Variants in KCNH1 observed in about 807,000 individuals in gnomAD.
The protein encoded by KCNH1 is voltage-gated delayed rectifier potassium channel KCNH1.
KCNH1 carries 27 observed loss-of-function variants against 69.2 expected under a neutral mutation model. The observed-to-expected ratio is 0.39, with a 90% CI of 0.29 to 0.54. The LOEUF (loss-of-function observed/expected upper bound fraction) is 0.54. Among genes scored for constraint, KCNH1 ranks in the 20% least tolerant of loss-of-function variants. KCNH1 has a pLI of 0.68. For synonymous variants in KCNH1, 456 were observed against 487.7 expected (o/e 0.93, Z 0.86); for missense variants, 798 against 1,261.6 (o/e 0.63, Z 5.57).
At chr1:210,978,199 T>C (rs1403770353) in intron 6 of KCNH1, among the ~76,000 whole-genome samples, 2 of 151,884 alleles carry the variant, frequency 1.3e-5, no homozygotes, top group Non-Finnish European at 2.9e-5. Flanking sequence ...CCACCACACC[T>C]GGCTAATTTT....
chr1:210,880,807 G>C (rs1262240583), intron 7 of KCNH1, among the ~76,000 whole-genome samples: 1 of 151,824 alleles, frequency 6.6e-6, no homozygotes, highest in African/African-American at 2.4e-5. Flanking sequence ...CAAAATGGGG[G>C]AAAAAATTCC....
intron 6 of KCNH1, among the ~76,000 whole-genome samples, chr1:210,950,879 C>A (rs1036023729): frequency 6.6e-6 from 1 of 152,162 alleles, no homozygotes; most frequent in Admixed American, 6.5e-5. Context: ...AAGTGCCAGG[C>A]CCAGCCCTGG....
chr1:210,871,798 AAG>A (rs1686254595), intron 7 of KCNH1, among the ~76,000 whole-genome samples: 3 of 150,014 alleles, frequency 2.0e-5, no homozygotes, highest in Non-Finnish European at 3.0e-5. Context: ...AAACTATCGC[AAG>A]AACAAAAAAC....
intron 5 of KCNH1, among the ~76,000 whole-genome samples, chr1:211,066,836 C>G (rs979121618): frequency 6.6e-6 from 1 of 152,206 alleles, no homozygotes; most frequent in Non-Finnish European, 1.5e-5. Flanking sequence ...GCAGAACATA[C>G]ATATGGCATT....
intron 7 of KCNH1, among the ~76,000 whole-genome samples, chr1:210,834,601 G>C (rs1407426297): frequency 6.7e-6 from 1 of 150,178 alleles, no homozygotes; most frequent in Non-Finnish European, 1.5e-5. Flanking sequence ...GAGTTAGTGG[G>C]TGAAGTGCAC....
chr1:210,867,556 T>A (rs574468104), intron 7 of KCNH1, among the ~76,000 whole-genome samples: 1 of 152,106 alleles, frequency 6.6e-6, no homozygotes, highest in Admixed American at 6.5e-5. Flanking sequence ...TGTGACAAAG[T>A]ACTCCCATTT....
intron 5 of KCNH1, among the ~76,000 whole-genome samples, chr1:211,053,276 G>A (rs1329505335): frequency 6.6e-6 from 1 of 152,194 alleles, no homozygotes; most frequent in East Asian, 1.9e-4. Context: ...TTATCAGGCA[G>A]TAGAGTAGAC....
Position 211,019,012 on chromosome 1 carries a change from T to C in KCNH1, c.803A>G (p.Asn268Ser), listed in dbSNP as rs1558570006. ...TGGTCCAACAAAGGTGGTATGAAAA[T>C]TGAGCACAATGTCCACCAAAAAGAT... The part of the protein sequence containing the change: ...DVIFLVDIVL[N>S]FHTTFVGPAG... Residue 268 changes from asparagine (N) to serine (S), a missense_variant, in exon 6 of 11, where the codon AAT (asparagine) becomes AGT (serine). By Grantham distance (46) the Asn-to-Ser change is conservative. Around this residue, in one of 4 missense-constraint regions of KCNH1, gnomAD observed 266 missense variants for 457.2 expected, o/e 0.58. Transcript: ENST00000271751. 1 of 1,613,942 alleles carries C rather than the reference T, an allele frequency of 6.2e-7. No homozygotes were observed.
intron 6 of KCNH1, among the ~76,000 whole-genome samples, chr1:210,960,793 A>G (rs908030106): frequency 1.3e-5 from 2 of 152,202 alleles, no homozygotes; most frequent in African/African-American, 4.8e-5. Context: ...GGGTCACATA[A>G]TAGGTATATA....
chr1:210,980,860 C>A (rs1279305803), intron 6 of KCNH1, among the ~76,000 whole-genome samples: 1 of 151,680 alleles, frequency 6.6e-6, no homozygotes, highest in Non-Finnish European at 1.5e-5. Context: ...TATATACATA[C>A]ATATGATAAA....
At position 210,680,158 on chromosome 1, in the gene KCNH1, C is replaced by T. The variant is rs1408425108; in HGVS notation, c.*3123G>A. On this transcript the variant is annotated 3_prime_UTR_variant, in exon 11 of 11. Transcript: ENST00000271751. ...CACCACCTCATTGACCATCTTAGTT[C>T]TTAGAGTTAACCTTAAACCCACCCC... is the stretch of plus-strand genomic sequence containing the variant. 3 of 152,148 alleles carry T rather than the reference C, an allele frequency of 2.0e-5. No homozygotes were observed. Among genetic ancestry groups the T allele is most frequent in the Non-Finnish European group, 4.4e-5 (3 of 68,054 alleles). 9.4% of individuals were successfully genotyped at this position (152,148 alleles called of 1,614,324 possible). A position where few individuals can be genotyped will look rare whatever the true frequency, so the allele number is the denominator to read the frequency against.
intron 10 of KCNH1, among the ~76,000 whole-genome samples, chr1:210,705,438 C>T (rs1356130054): frequency 6.6e-6 from 1 of 152,182 alleles, no homozygotes; most frequent in Admixed American, 6.5e-5. Context: ...GCTAACCAAA[C>T]AGCATCCATC....
intron 7 of KCNH1, among the ~76,000 whole-genome samples, chr1:210,871,493 G>A (rs974652148): frequency 8.5e-5 from 13 of 152,176 alleles, no homozygotes; most frequent in Non-Finnish European, 1.6e-4. Context: ...AGTCAGTGTG[G>A]CAATTCCTCA....
At chr1:211,021,309 TA>T (rs904250156) in intron 5 of KCNH1, among the ~76,000 whole-genome samples, 39 of 150,994 alleles carry the variant, frequency 2.6e-4, no homozygotes, top group South Asian at 2.3e-3. Flanking sequence ...CCTATGGAAA[TA>T]AAAAAAAATT....
chr1:210,724,975 C>G (rs2149028400), intron 10 of KCNH1, among the ~76,000 whole-genome samples: 1 of 152,314 alleles, frequency 6.6e-6, no homozygotes, highest in South Asian at 2.1e-4. Flanking sequence ...ATAATTTTCC[C>G]TATTAAAATG....
intron 7 of KCNH1, among the ~76,000 whole-genome samples, chr1:210,916,911 G>A (rs1411930425): frequency 2.0e-5 from 3 of 152,060 alleles, no homozygotes; most frequent in Non-Finnish European, 4.4e-5. Flanking sequence ...ACTTTGGGAG[G>A]CTGAGGCAGG....
chr1:210,998,231 G>C (rs930232048), intron 6 of KCNH1, among the ~76,000 whole-genome samples: 7 of 152,190 alleles, frequency 4.6e-5, no homozygotes, highest in African/African-American at 1.7e-4. Context: ...TGGACAAAGA[G>C]TCAAGACCTA....
At chr1:210,948,868 G>T (rs1688010855) in intron 6 of KCNH1, among the ~76,000 whole-genome samples, 1 of 150,694 alleles carries the variant, frequency 6.6e-6, no homozygotes, top group South Asian at 2.1e-4. Flanking sequence ...ATATCCAGAT[G>T]AAGAAACATG....
intron 10 of KCNH1, among the ~76,000 whole-genome samples, chr1:210,728,925 C>T (rs748900775): frequency 6.6e-6 from 1 of 152,192 alleles, no homozygotes; most frequent in Non-Finnish European, 1.5e-5. Context: ...TAGTAGGGCC[C>T]GAATTGCCTG....
Sources: gnomAD v4.1 joint callset for allele counts (sites outside exome capture counted in the v4.1 genomes callset) on GRCh38, gnomAD v4.1.1 for gene constraint, gnomAD v4.1.1 regional missense constraint, MANE v1.5 for transcripts, NCBI Gene and HGNC (gene_info 2026-07-23, HGNC 2026-07-21) for gene names.